Variants in SYNPR observed in about 807,000 individuals in gnomAD.
SYNPR encodes the protein synaptoporin.
SYNPR carries 23 observed loss-of-function variants against 32.9 expected under a neutral mutation model. The observed-to-expected ratio is 0.70, with a 90% CI of 0.50 to 0.99. SYNPR has a LOEUF of 0.99. Among genes scored for constraint, SYNPR ranks in the 50% least tolerant of loss-of-function variants. The pLI, the probability that SYNPR is intolerant of heterozygous loss-of-function variation, is 0.00. For synonymous variants in SYNPR, 146 were observed against 135.9 expected (o/e 1.07, Z -0.52); for missense variants, 318 against 349.3 (o/e 0.91, Z 0.71).
In SYNPR at chr3:63,350,235, CACACACAT is replaced by C. The variant is rs1421004203; in HGVS notation, c.84+71497_84+71504del. On this transcript the variant is annotated intron_variant, in intron 2 of 5. Transcript: ENST00000478300. ...TTCTACACACACACACACACACACA[CACACACAT>C]ACAAACACAATTATTAACTCTATAG... is the stretch of plus-strand genomic sequence containing the variant. Among the ~76,000 whole-genome samples the C allele has an allele frequency of 4.1e-5, 6 of 145,396 alleles. 1 individual carries two copies. The highest frequency in any genetic ancestry group is 7.5e-5 in the African/African-American group (3 of 39,910).
chr3:63,349,957 G>A (rs2087484169), intron 2 of SYNPR, among the ~76,000 whole-genome samples: 1 of 152,120 alleles, frequency 6.6e-6, no homozygotes, highest in African/African-American at 2.4e-5. Flanking sequence ...TACATTTAAG[G>A]TAATCAAAAT....
chr3:63,311,666 G>A (rs1425398278), intron 2 of SYNPR, among the ~76,000 whole-genome samples: 1 of 151,972 alleles, frequency 6.6e-6, no homozygotes, highest in Non-Finnish European at 1.5e-5. Context: ...CACTGCTGCA[G>A]AGAATGCAAT....
At chr3:63,460,765 A>T (rs1700570257) in intron 2 of SYNPR, among the ~76,000 whole-genome samples, 1 of 152,038 alleles carries the variant, frequency 6.6e-6, no homozygotes, top group South Asian at 2.1e-4. Context: ...AATGGTGAAA[A>T]GTGGGGAAAA....
chr3:63,478,152 TCATGACA>T (rs943969894), intron 2 of SYNPR, among the ~76,000 whole-genome samples: 1 of 152,220 alleles, frequency 6.6e-6, no homozygotes, highest in African/African-American at 2.4e-5. Flanking sequence ...GTTTCAATAG[TCATGACA>T]CCTCCTTTCC....
At chr3:63,366,244 G>A (rs1427608417) in intron 2 of SYNPR, among the ~76,000 whole-genome samples, 1 of 151,726 alleles carries the variant, frequency 6.6e-6, no homozygotes, top group Non-Finnish European at 1.5e-5. Flanking sequence ...AAAACCGAGG[G>A]GTTTTTTTCC....
intron 2 of SYNPR, among the ~76,000 whole-genome samples, chr3:63,398,427 C>G (rs779681433): frequency 2.0e-5 from 3 of 152,020 alleles, no homozygotes; most frequent in African/African-American, 7.2e-5. Context: ...TGCCACTTAA[C>G]AGTGTACTTT....
rs192003704 is a variant in SYNPR, at chr3:63,439,699, T to C, written c.85-41133T>C. Among the ~76,000 whole-genome samples, 4 of 152,306 alleles carry C rather than the reference T, an allele frequency of 2.6e-5. No homozygotes were observed. In the East Asian group the frequency reaches 7.7e-4, roughly 29 times the overall value. On this transcript the variant is annotated intron_variant, in intron 2 of 5. Transcript: ENST00000478300. The stretch of plus-strand genomic sequence containing the variant: ...AATTAAATCAATATGACACTGAAAT[T>C]TGCAACCCTTCCAGAATGTTCTTTG...
At chr3:63,261,843 T>C (rs1164580238) in intron 2 of SYNPR, among the ~76,000 whole-genome samples, 5 of 139,734 alleles carry the variant, frequency 3.6e-5, no homozygotes, top group African/African-American at 5.3e-5. Flanking sequence ...CACAAGGACA[T>C]AGGAAGGGGA....
intron 2 of SYNPR, among the ~76,000 whole-genome samples, chr3:63,399,059 T>C (rs1206299770): frequency 6.6e-6 from 1 of 152,174 alleles, no homozygotes; most frequent in African/African-American, 2.4e-5. Flanking sequence ...AGACATTTCT[T>C]GGGCTAGGAG....
At chr3:63,283,835 T>TTTTAA (rs2086654910) in intron 2 of SYNPR, among the ~76,000 whole-genome samples, 1 of 133,800 alleles carries the variant, frequency 7.5e-6, no homozygotes, top group African/African-American at 2.7e-5. Flanking sequence ...TTTTTTTTTT[T>TTTTAA]GAGACGGAGT....
At chr3:63,536,644 AT>A (rs1281955023) in intron 3 of SYNPR, among the ~76,000 whole-genome samples, 5 of 152,160 alleles carry the variant, frequency 3.3e-5, no homozygotes, top group Non-Finnish European at 7.4e-5. Context: ...AGAAGTGAAA[AT>A]ATATGTCCAC....
chr3:63,286,247 C>T lies in SYNPR; in HGVS notation c.84+7505C>T, dbSNP rs41532747. ...GGCCAGTATTGAACCTAAACGAGAA[C>T]GTCTAATGGAAGAATTGCAAGCACT... is the stretch of plus-strand genomic sequence containing the variant. On this transcript the variant is annotated intron_variant, in intron 2 of 5. Transcript: ENST00000478300. Among the ~76,000 whole-genome samples the T allele has an allele frequency of 3.7e-4, 56 of 152,272 alleles. No homozygotes were observed. The East Asian group carries it at 8.5e-3, about 23-fold the overall frequency.
At chr3:63,206,439 T>C in the SYNPR span, among the ~76,000 whole-genome samples, 2 of 152,080 alleles carry the variant, frequency 1.3e-5, no homozygotes, top group South Asian at 4.2e-4. Flanking sequence ...ATGGTGCCTG[T>C]AGTCCCAGCT....
In SYNPR at chr3:63,615,565, T is replaced by G; in HGVS notation, c.*84T>G. 6.7e-7 allele frequency: 1 copy of G among 1,502,576 alleles called. No homozygotes were observed. The highest frequency in any genetic ancestry group is 9.0e-7 in the Non-Finnish European group (1 of 1,116,840). 93.1% of individuals were successfully genotyped at this position (1,502,576 alleles called of 1,614,324 possible). A position where few individuals can be genotyped will look rare whatever the true frequency, so the allele number is the denominator to read the frequency against. The stretch of plus-strand genomic sequence containing the variant: ...AGAATTTTTTAAGGGTTTCAATCAA[T>G]TATTAATGCAGAGAGTATTGAATGT... On this transcript the variant is annotated 3_prime_UTR_variant, in exon 6 of 6. Coordinates refer to ENST00000478300, the MANE Select transcript of SYNPR (RefSeq NM_001130003.2).
At chr3:63,380,225 A>G (rs150724650) in intron 2 of SYNPR, among the ~76,000 whole-genome samples, 3 of 152,280 alleles carry the variant, frequency 2.0e-5, no homozygotes, top group Admixed American at 2.0e-4. Flanking sequence ...GCTGGCTCAA[A>G]CGGTATTTCT....
At chr3:63,211,824 G>C in the SYNPR span, among the ~76,000 whole-genome samples, 2 of 90,800 alleles carry the variant, frequency 2.2e-5, no homozygotes, top group African/African-American at 8.6e-5. Context: ...GCATCATCTA[G>C]CATTAGGTAT....
At chr3:63,502,482 T>C (rs1221228548) in intron 3 of SYNPR, among the ~76,000 whole-genome samples, 2 of 152,160 alleles carry the variant, frequency 1.3e-5, no homozygotes, top group Non-Finnish European at 2.9e-5. Flanking sequence ...CAATGACATA[T>C]AATCACCACT....
At chr3:63,386,749 C>T (rs539932885) in intron 2 of SYNPR, among the ~76,000 whole-genome samples, 2 of 152,112 alleles carry the variant, frequency 1.3e-5, no homozygotes, top group South Asian at 2.1e-4. Flanking sequence ...GCCTCCAGCC[C>T]GGGTCAGCCT....
intron 3 of SYNPR, among the ~76,000 whole-genome samples, chr3:63,552,197 C>T (rs764339879): frequency 2.0e-5 from 3 of 152,038 alleles, no homozygotes; most frequent in Non-Finnish European, 4.4e-5. Flanking sequence ...CGCACCCGGC[C>T]GCATCTGGCT....
Sources: gnomAD v4.1 joint callset for allele counts (sites outside exome capture counted in the v4.1 genomes callset) on GRCh38, gnomAD v4.1.1 for gene constraint, MANE v1.5 for transcripts, NCBI Gene and HGNC (gene_info 2026-07-23, HGNC 2026-07-21) for gene names.